The following LHPP variants were observed in gnomAD, a reference collection of about 807,000 sequenced individuals.
LHPP encodes the protein hLHPP.
Under a neutral mutation model 30.3 loss-of-function variants are expected in LHPP, and 24 were observed. The ratio of observed to expected loss-of-function variants is 0.79; its 90% CI spans 0.57 to 1.11. The LOEUF (loss-of-function observed/expected upper bound fraction) is 1.11, where lower values mean the gene tolerates loss of function less well. LHPP is among the 50% of genes most tolerant of loss of function. LHPP has a pLI of 0.00. For synonymous variants in LHPP, 150 were observed against 157.1 expected (o/e 0.95, Z 0.34); for missense variants, 356 against 367.2 (o/e 0.97, Z 0.25).
intron 6 of LHPP, among the ~76,000 whole-genome samples, chr10:124,524,523 C>T (rs1052693696): frequency 1.3e-5 from 2 of 152,174 alleles, no homozygotes; most frequent in Admixed American, 6.5e-5. Context: ...ATGATCCCCC[C>T]GCCTTGACCT....
At chr10:124,594,762 C>T (rs1304950212) in intron 6 of LHPP, among the ~76,000 whole-genome samples, 5 of 152,068 alleles carry the variant, frequency 3.3e-5, no homozygotes, top group Non-Finnish European at 5.9e-5. Context: ...TCCTGAGTAG[C>T]TTGGAAAACA....
chr10:124,553,423 A>C (rs2133961769), intron 6 of LHPP, among the ~76,000 whole-genome samples: 1 of 139,544 alleles, frequency 7.2e-6, no homozygotes, highest in Admixed American at 7.2e-5. Context: ...CAACAGCGGC[A>C]CCATAGGGCC....
In LHPP at chr10:124,478,380, C is replaced by G. The variant is rs1953017524; in HGVS notation, c.126-5759C>G. The stretch of plus-strand genomic sequence containing the variant: ...AGTACCGGGGCTAGAGGGCAGGGGG[C>G]CCAGCTGGGAGGGGCTCATGCTGCC... On this transcript the variant is annotated intron_variant, in intron 1 of 6. Coordinates refer to ENST00000368842, the MANE Select transcript of LHPP (RefSeq NM_022126.4). The surrounding 1 kb of genome is among the most constrained non-coding windows in gnomAD (Gnocchi z 4.7). Among the ~76,000 whole-genome samples the G allele has an allele frequency of 6.6e-6, 1 of 152,142 alleles. No homozygotes were observed. The highest frequency in any genetic ancestry group is 2.1e-4 in the South Asian group (1 of 4,828).
chr10:124,563,794 G>A (rs1161506790), intron 6 of LHPP, among the ~76,000 whole-genome samples: 3 of 152,190 alleles, frequency 2.0e-5, no homozygotes, highest in African/African-American at 7.2e-5. Flanking sequence ...TAAGTGGCAG[G>A]AGCTGATGAC....
intron 1 of LHPP, 131 bp from the exon 2 acceptor site, chr10:124,484,008 C>T: frequency 1.3e-6 from 1 of 792,536 alleles, no homozygotes; most frequent in East Asian, 2.7e-5. Context: ...CCAGGACCCC[C>T]TCAGGGGCTC....
At chr10:124,497,246 A>G (rs1161594113) in intron 4 of LHPP, among the ~76,000 whole-genome samples, 2 of 18,634 alleles carry the variant, frequency 1.1e-4, no homozygotes, top group African/African-American at 2.8e-4. Flanking sequence ...CATCCTTCCC[A>G]TCCTCCCCAT....
intron 6 of LHPP, among the ~76,000 whole-genome samples, chr10:124,582,079 G>C (rs989912258): frequency 6.8e-6 from 1 of 146,662 alleles, no homozygotes; most frequent in Non-Finnish European, 1.5e-5. Flanking sequence ...ACCGCACCTG[G>C]CCTATTTATA....
chr10:124,546,476 C>T (rs1186071042), intron 6 of LHPP, among the ~76,000 whole-genome samples: 1 of 152,228 alleles, frequency 6.6e-6, no homozygotes, highest in Admixed American at 6.5e-5. Context: ...GATCTCGGCT[C>T]ACTGCAAGCT....
chr10:124,521,922 G>A (rs904568930), intron 6 of LHPP, among the ~76,000 whole-genome samples: 8 of 152,216 alleles, frequency 5.3e-5, no homozygotes, highest in African/African-American at 1.9e-4. Context: ...AGTCTGAGAG[G>A]CCGAGAGGTG....
At chr10:124,527,554 T>C (rs1272233076) in intron 6 of LHPP, among the ~76,000 whole-genome samples, 1 of 152,098 alleles carries the variant, frequency 6.6e-6, no homozygotes, top group African/African-American at 2.4e-5. Flanking sequence ...GGGTGCCCTT[T>C]GCCCAGGCCC....
intron 6 of LHPP, among the ~76,000 whole-genome samples, chr10:124,587,738 TAAAAAA>T (rs747954796): frequency 0.011 from 598 of 53,004 alleles, 6 homozygotes; most frequent in African/African-American, 0.033. Context: ...AGACTCCATC[TAAAAAA>T]AAAAAAAAAA....
At chr10:124,586,628 G>A in intron 6 of LHPP, among the ~76,000 whole-genome samples, 1 of 152,202 alleles carries the variant, frequency 6.6e-6, no homozygotes, top group East Asian at 1.9e-4. Context: ...GGGGAAGTGA[G>A]ATTTGAGCTG....
At chr10:124,515,748 G>T (rs536675498) in intron 5 of LHPP, among the ~76,000 whole-genome samples, 1 of 152,224 alleles carries the variant, frequency 6.6e-6, no homozygotes, top group Admixed American at 6.5e-5. Flanking sequence ...TTCTGAGATC[G>T]CACTCAATGC....
intron 6 of LHPP, among the ~76,000 whole-genome samples, chr10:124,587,468 C>A (rs954504879): frequency 2.8e-4 from 43 of 151,750 alleles, no homozygotes; most frequent in Non-Finnish European, 4.7e-4. Context: ...GAGGCAGGCG[C>A]AGTGGCTCAC....
At chr10:124,524,665 T>C (rs1954688897) in intron 6 of LHPP, among the ~76,000 whole-genome samples, 2 of 151,994 alleles carry the variant, frequency 1.3e-5, no homozygotes, top group Non-Finnish European at 2.9e-5. Flanking sequence ...GAGACCTCAT[T>C]TCTATTAAAA....
chr10:124,489,744 C>G (rs538147154), intron 3 of LHPP: 5 of 168,372 alleles, frequency 3.0e-5, no homozygotes, highest in South Asian at 1.3e-4. Flanking sequence ...GAGCCACCGC[C>G]CCCAACCTCT....
rs142352010 is a variant in LHPP at position 124,477,332 on chromosome 10, G to A, written c.126-6807G>A. Among the ~76,000 whole-genome samples the A allele has an allele frequency of 6.6e-3, 1,003 of 152,304 alleles. 10 individuals carry two copies. The highest frequency in any genetic ancestry group is 0.021 in the African/African-American group (885 of 41,544). ...CCTTTCCCCTCTCTGAGGAAACTGAGGCATTGAGCTTGTATTTCTCTGCAC... is the reference window on the plus strand; with the variant it reads ...CCTTTCCCCTCTCTGAGGAAACTGAAGCATTGAGCTTGTATTTCTCTGCAC... On this transcript the variant is annotated intron_variant, in intron 1 of 6. Coordinates refer to ENST00000368842, the MANE Select transcript of LHPP (RefSeq NM_022126.4).
chr10:124,540,323 A>C (rs1484015736), intron 6 of LHPP, among the ~76,000 whole-genome samples: 1 of 152,140 alleles, frequency 6.6e-6, no homozygotes, highest in Non-Finnish European at 1.5e-5. Flanking sequence ...GGTTCCCACC[A>C]GGGGGCGGCA....
intron 6 of LHPP, among the ~76,000 whole-genome samples, chr10:124,561,506 T>A (rs1198031378): frequency 6.6e-6 from 1 of 151,756 alleles, no homozygotes; most frequent in East Asian, 1.9e-4. Flanking sequence ...TCATCGCCAC[T>A]CAGAGGTTAC....
Sources: allele counts gnomAD v4.1 joint callset (sites outside exome capture counted in the v4.1 genomes callset), GRCh38; gene constraint gnomAD v4.1.1; non-coding constraint Gnocchi (gnomAD v3.1); transcripts MANE v1.5; gene names NCBI Gene and HGNC (gene_info 2026-07-23, HGNC 2026-07-21).